KCNQ3: variants seen among roughly 807,000 people sequenced by gnomAD.
KCNQ3 encodes the protein potassium voltage-gated channel subfamily Q member 3, also known as potassium voltage-gated channel subfamily KQT member 3.
A neutral mutation model predicts 92.5 loss-of-function variants in KCNQ3; 30 were observed. The ratio of observed to expected loss-of-function variants is 0.32; its 90% CI spans 0.24 to 0.44. KCNQ3 has a LOEUF of 0.44. Among genes scored for constraint, KCNQ3 ranks in the 20% least tolerant of loss-of-function variants. The pLI is 1.00. For missense variants in KCNQ3, 913 were observed against 1,140.3 expected, an observed-to-expected ratio of 0.80 and a Z score of 2.87; for synonymous variants, 450 against 468.8, an observed-to-expected ratio of 0.96 and a Z score of 0.52.
intron 1 of KCNQ3, among the ~76,000 whole-genome samples, chr8:132,222,407 A>T (rs1490594900): frequency 6.6e-6 from 1 of 152,232 alleles, no homozygotes; most frequent in Admixed American, 6.5e-5. Context: ...GTGCGTATAT[A>T]GTAAGAAGCT....
chr8:132,264,390 C>T (rs1815907782), intron 1 of KCNQ3, among the ~76,000 whole-genome samples: 3 of 152,162 alleles, frequency 2.0e-5, no homozygotes, highest in Admixed American at 6.5e-5. Flanking sequence ...GTATTGGGGT[C>T]ATCTCCCCAA....
intron 2 of KCNQ3, among the ~76,000 whole-genome samples, chr8:132,185,327 C>T (rs565891311): frequency 6.6e-5 from 10 of 152,378 alleles, no homozygotes; most frequent in Non-Finnish European, 8.8e-5. Context: ...ATGCAGTCGG[C>T]ATTGCCCTGA....
chr8:132,148,367 C>G (rs1257005772), intron 9 of KCNQ3, among the ~76,000 whole-genome samples: 2 of 152,138 alleles, frequency 1.3e-5, no homozygotes, highest in African/African-American at 2.4e-5. Flanking sequence ...TCCCGAGTAG[C>G]TGGGATTACA....
intron 1 of KCNQ3, among the ~76,000 whole-genome samples, chr8:132,472,904 T>A (rs887669657): frequency 2.0e-5 from 3 of 152,170 alleles, no homozygotes; most frequent in African/African-American, 7.2e-5. Context: ...ATCCATCAAT[T>A]TAAAAAATTT....
chr8:132,217,476 C>T (rs766375012), intron 1 of KCNQ3, among the ~76,000 whole-genome samples: 46 of 151,900 alleles, frequency 3.0e-4, no homozygotes, highest in Non-Finnish European at 5.7e-4. Context: ...TTTGGGAGGC[C>T]GAGGTGGGCG....
chr8:132,410,305 A>C (rs2130796298), intron 1 of KCNQ3, among the ~76,000 whole-genome samples: 1 of 152,328 alleles, frequency 6.6e-6, no homozygotes, highest in East Asian at 1.9e-4. Context: ...GTAAAACTGA[A>C]GATTTTCCTA....
intron 1 of KCNQ3, among the ~76,000 whole-genome samples, chr8:132,254,856 G>T (rs1214437278): frequency 6.6e-6 from 1 of 152,170 alleles, no homozygotes; most frequent in East Asian, 1.9e-4. Flanking sequence ...TCCAGCCTGG[G>T]TGACAATGAG....
intron 1 of KCNQ3, among the ~76,000 whole-genome samples, chr8:132,204,883 C>A (rs1353132711): frequency 6.6e-6 from 1 of 152,174 alleles, no homozygotes; most frequent in Non-Finnish European, 1.5e-5. Context: ...TCATCATCCT[C>A]CATGCTTGAA....
chr8:132,374,095 C>T (rs1819547648), intron 1 of KCNQ3, among the ~76,000 whole-genome samples: 2 of 152,100 alleles, frequency 1.3e-5, no homozygotes, highest in African/African-American at 4.8e-5. Flanking sequence ...TCCCTCCTGT[C>T]AAGGAGGCCA....
chr8:132,412,353 C>T (rs1385299436), intron 1 of KCNQ3, among the ~76,000 whole-genome samples: 2 of 151,806 alleles, frequency 1.3e-5, no homozygotes, highest in African/African-American at 4.8e-5. Flanking sequence ...CTGGGTGATT[C>T]TGACTCAGGT....
chr8:132,164,305 C>T (rs779247578), intron 8 of KCNQ3, among the ~76,000 whole-genome samples: 3 of 149,064 alleles, frequency 2.0e-5, no homozygotes, highest in Non-Finnish European at 4.4e-5. Context: ...GTCATTATTA[C>T]GTGGATCACA....
chr8:132,257,699 A>C (rs1452618526), intron 1 of KCNQ3, among the ~76,000 whole-genome samples: 1 of 142,070 alleles, frequency 7.0e-6, no homozygotes, highest in Non-Finnish European at 1.5e-5. Context: ...GTGAGCTGAG[A>C]GCATGCCACT....
intron 1 of KCNQ3, among the ~76,000 whole-genome samples, chr8:132,230,155 G>T (rs917194042): frequency 6.6e-6 from 1 of 152,088 alleles, no homozygotes; most frequent in East Asian, 1.9e-4. Context: ...TCTCCCAAAG[G>T]CTGCCTCCAA....
At chr8:132,351,418 A>T (rs1408297453) in intron 1 of KCNQ3, among the ~76,000 whole-genome samples, 2 of 151,890 alleles carry the variant, frequency 1.3e-5, no homozygotes, top group Non-Finnish European at 2.9e-5. Flanking sequence ...AATCTCCTCC[A>T]CCCCTGCCCC....
At chr8:132,156,474 G>A (rs1037403192) in intron 9 of KCNQ3, among the ~76,000 whole-genome samples, 1 of 152,124 alleles carries the variant, frequency 6.6e-6, no homozygotes, top group Non-Finnish European at 1.5e-5. Flanking sequence ...CCTGGTTAAA[G>A]AGAAGAAATG....
intron 11 of KCNQ3, among the ~76,000 whole-genome samples, 176 bp from the exon 12 acceptor site, chr8:132,138,192 C>A (rs1028476449): frequency 2.6e-5 from 4 of 152,216 alleles, no homozygotes; most frequent in African/African-American, 7.2e-5. Context: ...AGAGTTAGTA[C>A]ATCTCCATCA....
chr8:132,279,796 A>G (rs1563838176), intron 1 of KCNQ3, among the ~76,000 whole-genome samples: 4 of 152,068 alleles, frequency 2.6e-5, no homozygotes, highest in Admixed American at 6.5e-5. Context: ...ACACATACTT[A>G]TGTGCACATA....
At chr8:132,299,029 TG>T (rs1470743078) in intron 1 of KCNQ3, among the ~76,000 whole-genome samples, 2 of 152,128 alleles carry the variant, frequency 1.3e-5, no homozygotes, top group African/African-American at 4.8e-5. Flanking sequence ...TAGAGTAGTC[TG>T]TCTCTTATTC....
At chr8:132,432,512 A>G (rs767194612) in intron 1 of KCNQ3, among the ~76,000 whole-genome samples, 8 of 152,210 alleles carry the variant, frequency 5.3e-5, no homozygotes, top group Non-Finnish European at 1.2e-4. Flanking sequence ...GTATTCCAGT[A>G]TAATAGCTTC....
Sources: allele counts gnomAD v4.1 joint callset (sites outside exome capture counted in the v4.1 genomes callset), GRCh38; gene constraint gnomAD v4.1.1; transcripts MANE v1.5; gene names NCBI Gene and HGNC (gene_info 2026-07-23, HGNC 2026-07-21).